SAMSN1: variants seen among roughly 807,000 people sequenced by gnomAD.
SAMSN1 encodes SAM domain-containing protein SAMSN-1.
In SAMSN1, 31 loss-of-function variants were observed where a neutral mutation model predicts 42.0. The observed-to-expected ratio is 0.74, with a 90% CI of 0.55 to 1.00. SAMSN1 has a LOEUF of 1.00. Ranked by LOEUF, SAMSN1 falls within the 50% of genes least tolerant of loss-of-function variation. SAMSN1 has a pLI of 0.00. For missense variants in SAMSN1, 464 were observed against 439.4 expected, an observed-to-expected ratio of 1.06 and a Z score of -0.50; for synonymous variants, 178 against 151.9, an observed-to-expected ratio of 1.17 and a Z score of -1.26.
At chr21:14,498,804 T>C (rs543862991) in intron 6 of SAMSN1, among the ~76,000 whole-genome samples, 1 of 152,348 alleles carries the variant, frequency 6.6e-6, no homozygotes, top group South Asian at 2.1e-4. Context: ...GAAGGCCAAA[T>C]GTAAAGAAGA....
Position 14,611,652 on chromosome 21 carries a change from T to G in SAMSN1, c.235+1224A>C, listed in dbSNP as rs373052368. 7.5e-4 allele frequency among the ~76,000 whole-genome samples: 115 copies of G among 152,358 alleles called. 1 individual carries two copies. In the South Asian group the frequency reaches 8.1e-3, roughly 11 times the overall value. ...CCTTTTATTTAAGACTGTGCACTAT[T>G]CAAATTAGGGCTGATATTCAAAATA... is the stretch of plus-strand genomic sequence containing the variant. On this transcript the variant is annotated intron_variant, in intron 4 of 15. Transcript: ENST00000647101.
chr21:14,541,318 T>A (rs867654470), intron 1 of SAMSN1, among the ~76,000 whole-genome samples: 6 of 107,444 alleles, frequency 5.6e-5, no homozygotes, highest in South Asian at 3.3e-4. Context: ...ACAAACAAAA[T>A]CCTGTAAAAA....
intron 1 of SAMSN1, among the ~76,000 whole-genome samples, chr21:14,644,582 T>G (rs1391480180): frequency 6.6e-6 from 1 of 152,090 alleles, no homozygotes. Flanking sequence ...TAGATGAGAC[T>G]CAGCACATTA....
At chr21:14,595,264 G>GC (rs939960720) in intron 6 of SAMSN1, among the ~76,000 whole-genome samples, 1 of 152,080 alleles carries the variant, frequency 6.6e-6, no homozygotes, top group African/African-American at 2.4e-5. Context: ...TGGGGCTTTT[G>GC]CGGAAGTAAC....
chr21:14,583,550 A>G (rs1353160845), upstream of SAMSN1: 3 of 608,358 alleles, frequency 4.9e-6, no homozygotes, highest in Non-Finnish European at 8.9e-6. Context: ...CTCAATGTTT[A>G]ATGATTATCT....
At chr21:14,548,893 A>G (rs1980512787), upstream of SAMSN1, among the ~76,000 whole-genome samples, 1 of 152,148 alleles carries the variant, frequency 6.6e-6, no homozygotes, top group African/African-American at 2.4e-5. Context: ...ACACCTCACT[A>G]CTGACCATGA....
At chr21:14,589,631 T>C (rs2123267729) in intron 7 of SAMSN1, among the ~76,000 whole-genome samples, 1 of 152,258 alleles carries the variant, frequency 6.6e-6, no homozygotes, top group South Asian at 2.1e-4. Flanking sequence ...CTTGATTTTA[T>C]CACTTCCTTT....
chr21:14,516,503 T>C (rs567242705), intron 3 of SAMSN1, among the ~76,000 whole-genome samples: 1 of 152,194 alleles, frequency 6.6e-6, no homozygotes, highest in Non-Finnish European at 1.5e-5. Context: ...GCGATTCTCC[T>C]TCCTCAGCCT....
At chr21:14,657,811 G>C (rs1983940398) in intron 1 of SAMSN1, among the ~76,000 whole-genome samples, 1 of 151,738 alleles carries the variant, frequency 6.6e-6, no homozygotes, top group East Asian at 1.9e-4. Flanking sequence ...ACTCATAATT[G>C]CATTTTATTT....
intron 5 of SAMSN1, among the ~76,000 whole-genome samples, chr21:14,506,651 C>T (rs893580029): frequency 6.6e-6 from 1 of 152,076 alleles, no homozygotes; most frequent in Non-Finnish European, 1.5e-5. Flanking sequence ...TGACACTATC[C>T]CACAAGATAG....
chr21:14,531,394 G>T (rs1267301047), intron 1 of SAMSN1, among the ~76,000 whole-genome samples: 2 of 151,144 alleles, frequency 1.3e-5, no homozygotes, highest in Non-Finnish European at 3.0e-5. Context: ...ATCATCAAAG[G>T]AGTTAAAAAA....
intron 7 of SAMSN1, among the ~76,000 whole-genome samples, chr21:14,497,523 C>T (rs1401731898): frequency 1.3e-5 from 2 of 152,080 alleles, no homozygotes; most frequent in African/African-American, 2.4e-5. Context: ...ACCTGGGAGG[C>T]GGAGGTCGCG....
rs115215748 is a variant in SAMSN1 at position 14,521,709 on chromosome 21, G to A, written c.58-488C>T. Among the ~76,000 whole-genome samples, 915 of 152,170 alleles carry A rather than the reference G, an allele frequency of 6.0e-3. 5 individuals are homozygous for A. The highest frequency in any genetic ancestry group is 0.048 in the Middle Eastern group (14 of 294). On this transcript the variant is annotated intron_variant, in intron 1 of 7. Coordinates refer to ENST00000400566, the MANE Select transcript of SAMSN1 (RefSeq NM_022136.5). ...AGTTTGTTCACACGCTGGGGCCTGT[G>A]GGGTGGAGGGCAGGGAGACGGAGAG...
At chr21:14,583,763 C>G (rs1256660794), upstream of SAMSN1, 2 of 717,718 alleles carry the variant, frequency 2.8e-6, no homozygotes, top group African/African-American at 3.5e-5. Flanking sequence ...AGGGTCACTG[C>G]CTGATTTTAT....
chr21:14,513,484 A>C lies in SAMSN1; in HGVS notation c.280-911T>G, dbSNP rs111488925. On this transcript the variant is annotated intron_variant, in intron 3 of 7. Transcript: ENST00000400566. ...AACAGGGTGCTTGCTATAATGAAGG[A>C]TATTCTATTGTGTTAGCTGTGTGTG... 6.6e-3 allele frequency among the ~76,000 whole-genome samples: 1,007 copies of C among 151,760 alleles called. 5 individuals are homozygous for C. The highest frequency in any genetic ancestry group is 0.023 in the African/African-American group (951 of 41,470).
rs369928437 is a variant in SAMSN1, at chr21:14,512,504, T to C, written c.349A>G (p.Lys117Glu). Reference sequence around the variant, plus strand: ...GAGTCACTGGCTTTGAGGGACACCTTCTCTGTGTGGGTCCCAATCACAGGG... The same window carrying C: ...GAGTCACTGGCTTTGAGGGACACCTCCTCTGTGTGGGTCCCAATCACAGGG... Reference protein sequence around the residue: ...SDPVIGTHTEKVSLKASDSMD... With the variant: ...SDPVIGTHTEEVSLKASDSMD... The change falls in exon 4 of 8, where the codon AAG becomes GAG. Residue 117 changes from lysine (K) to glutamate (E), a missense_variant. Physicochemically the swap from Lys to Glu is moderately conservative, Grantham distance 56. Coordinates refer to ENST00000400566, the MANE Select transcript of SAMSN1 (RefSeq NM_022136.5). The C allele has an allele frequency of 2.7e-5, 44 of 1,613,650 alleles. No individual in the cohort carries two copies. Among genetic ancestry groups the C allele is most frequent in the African/African-American group, 4.0e-5 (3 of 74,904 alleles).
chr21:14,532,146 T>C (rs781468029), intron 1 of SAMSN1, among the ~76,000 whole-genome samples: 6 of 152,192 alleles, frequency 3.9e-5, no homozygotes, highest in Non-Finnish European at 8.8e-5. Flanking sequence ...GTGGCATATG[T>C]CAGCTCAGCA....
chr21:14,497,527 G>T (rs1986961077), intron 7 of SAMSN1, among the ~76,000 whole-genome samples: 1 of 152,126 alleles, frequency 6.6e-6, no homozygotes, highest in Admixed American at 6.5e-5. Flanking sequence ...GGGAGGCGGA[G>T]GTCGCGGTGA....
intron 1 of SAMSN1, among the ~76,000 whole-genome samples, chr21:14,527,076 T>C (rs2822747): frequency 0.27 from 40,376 of 152,138 alleles, 6,468 homozygotes; most frequent in Non-Finnish European, 0.34. Context: ...CTTTGAAATA[T>C]ACTGGCAAAT....
Sources: allele counts gnomAD v4.1 joint callset (sites outside exome capture counted in the v4.1 genomes callset), GRCh38; gene constraint gnomAD v4.1.1; transcripts MANE v1.5; gene names NCBI Gene and HGNC (gene_info 2026-07-23, HGNC 2026-07-21).